The following BSN variants were observed in gnomAD, a reference collection of about 807,000 sequenced individuals.
The protein encoded by BSN is protein bassoon.
BSN carries 57 observed loss-of-function variants against 264.8 expected under a neutral mutation model. The ratio of observed to expected loss-of-function variants is 0.22; its 90% CI spans 0.17 to 0.27. The LOEUF is 0.27. Among genes scored for constraint, BSN ranks in the 10% least tolerant of loss-of-function variants. BSN has a pLI of 1.00. For synonymous variants in BSN, 2,059 were observed against 2,137.3 expected (o/e 0.96, Z 1.01); for missense variants, 4,615 against 5,232.5 (o/e 0.88, Z 3.64).
In BSN at chr3:49,660,521, G is replaced by C; in HGVS notation, c.8676G>C (p.Lys2892Asn). The C allele has an allele frequency of 6.5e-7, 1 of 1,546,018 alleles. No homozygotes were observed. The highest frequency in any genetic ancestry group is 8.7e-7 in the Non-Finnish European group (1 of 1,146,046). ...TGCCACCCAACAGCCTGGTCCGCAA[G>C]GTGAAGCGGACACTGCCCAGCCCCC... is the stretch of plus-strand genomic sequence containing the variant. The part of the protein sequence containing the change: ...SALPPNSLVR[K>N]VKRTLPSPPP... The change falls in exon 6 of 12, where the codon AAG becomes AAC. Residue 2892 changes from lysine to asparagine, a missense_variant. Physicochemically the swap from Lys to Asn is moderately conservative, Grantham distance 94 (BLOSUM62 0). Coordinates refer to ENST00000296452, the MANE Select transcript of BSN (RefSeq NM_003458.4). The surrounding 1 kb of genome is among the most constrained non-coding windows in gnomAD (Gnocchi z 7.1).
intron 1 of BSN, among the ~76,000 whole-genome samples, chr3:49,609,778 T>A (rs1446895051): frequency 6.6e-6 from 1 of 152,244 alleles, no homozygotes; most frequent in Non-Finnish European, 1.5e-5. Context: ...AAGCAGGGCC[T>A]ACTCTCATGT....
chr3:49,653,616 C>G lies in BSN; in HGVS notation c.4060C>G (p.Leu1354Val). Residue 1354 changes from leucine to valine, a missense_variant, in exon 5 of 12, where the codon CTC (leucine) becomes GTC (valine). By Grantham distance (32) the Leu-to-Val change is conservative (BLOSUM62 1). Around this residue, in one of 3 missense-constraint regions of BSN, gnomAD observed 3,415 missense variants for 3,866.4 expected, o/e 0.88. Transcript: ENST00000296452. This position sits in a 1 kb window ranked among gnomAD's most constrained non-coding sequence, Gnocchi z 6.3. ...TTTTGCAAAGGAGACTCAGGACCCC[C>G]TCAAGCTGCACAGCTCTCCTGCCTC... ...QHFAKETQDP[L>V]KLHSSPASPS... is the part of the protein sequence containing the mutation. 1 of 1,613,770 alleles carries G rather than the reference C, an allele frequency of 6.2e-7. No homozygotes were observed. The highest frequency in any genetic ancestry group is 8.5e-7 in the Non-Finnish European group (1 of 1,179,964).
intron 1 of BSN, among the ~76,000 whole-genome samples, chr3:49,582,795 T>A (rs1485954767): frequency 1.3e-5 from 2 of 152,134 alleles, no homozygotes; most frequent in Non-Finnish European, 2.9e-5. Context: ...TCATAAATAG[T>A]CCTTATCATA....
At position 49,663,727 on chromosome 3, in the gene BSN, C is replaced by T; in HGVS notation, c.11509-60C>T. ...GAAGATGCTATGAATGAAGCTTGGA[C>T]ATCCCCTTGGTTCCAGGCTGGGCAT... On this transcript the variant is annotated intron_variant, in intron 7 of 11. Coordinates refer to ENST00000296452, the MANE Select transcript of BSN (RefSeq NM_003458.4). The T allele has an allele frequency of 2.5e-6, 4 of 1,609,874 alleles. No individual in the cohort carries two copies. The South Asian group carries it at 4.4e-5, about 18-fold the overall frequency.
Position 49,652,250 on chromosome 3 carries a change from C to T in BSN, c.2694C>T (p.Pro898=), listed in dbSNP as rs1432716756. ...CAGCACTGCCCAAGAGGCGCCTGCC[C>T]CACAATGCCACCACGGGCTATGAGG... ...EPAALPKRRL[P]HNATTGYEEL... The change falls in exon 5 of 12, where the codon CCC becomes CCT. Residue 898 remains proline, a synonymous_variant. Transcript: ENST00000296452. 1.2e-6 allele frequency: 2 copies of T among 1,604,540 alleles called. No homozygotes were observed. The highest frequency in any genetic ancestry group is 3.4e-5 in the Admixed American group (2 of 58,882).
intron 1 of BSN, among the ~76,000 whole-genome samples, chr3:49,614,182 C>G (rs2052238948): frequency 6.6e-6 from 1 of 151,420 alleles, no homozygotes; most frequent in South Asian, 2.1e-4. Flanking sequence ...GTCTCAGCCT[C>G]CCAAGTAGCT....
At chr3:49,591,147 C>T (rs955709819) in intron 1 of BSN, among the ~76,000 whole-genome samples, 6 of 151,982 alleles carry the variant, frequency 3.9e-5, no homozygotes, top group African/African-American at 9.7e-5. Flanking sequence ...TGTTGTATAT[C>T]GGCCCTCTTA....
intron 1 of BSN, among the ~76,000 whole-genome samples, chr3:49,600,336 T>C (rs1376696266): frequency 1.3e-5 from 2 of 152,082 alleles, no homozygotes; most frequent in Non-Finnish European, 2.9e-5. Flanking sequence ...CTGTGGAGCG[T>C]GCAGGGGCTG....
At chr3:49,627,129 A>G (rs1443728448) in intron 2 of BSN, among the ~76,000 whole-genome samples, 1 of 152,230 alleles carries the variant, frequency 6.6e-6, no homozygotes, top group Non-Finnish European at 1.5e-5. Context: ...TACTTCAAAC[A>G]AATGCTGGGC....
In BSN at chr3:49,660,681, C is replaced by G. The variant is rs765703453; in HGVS notation, c.8836C>G (p.Arg2946Gly). 1.9e-6 allele frequency: 3 copies of G among 1,613,300 alleles called. No individual in the cohort carries two copies. The South Asian group carries it at 3.3e-5, about 18-fold the overall frequency. ...TKASLLRELD[R>G]DLRLVEHEST... ...GGCCAGCCTGCTCCGGGAGCTGGAC[C>G]GGGACCTGCGGCTGGTGGAGCATGA... is the stretch of plus-strand genomic sequence containing the variant. Residue 2946 changes from arginine to glycine, a missense_variant, in exon 6 of 12, where the codon CGG becomes GGG. By Grantham distance (125) the Arg-to-Gly change is moderately radical. This residue lies in a region of BSN where 3,415 missense variants were observed against 3,866.4 expected (regional missense o/e 0.88). Transcript: ENST00000296452. This position sits in a 1 kb window ranked among gnomAD's most constrained non-coding sequence, Gnocchi z 7.1.
rs142654483 is a variant in BSN, at chr3:49,592,256, C to G, written c.225-32719C>G. On this transcript the variant is annotated intron_variant, in intron 1 of 11. Coordinates refer to ENST00000296452, the MANE Select transcript of BSN (RefSeq NM_003458.4). ...TCCCGAGTACCTGGGATTACAGGCA[C>G]GCACCACCATGCTTGGCTGATTTTT... is the stretch of plus-strand genomic sequence containing the variant. 5.0e-3 allele frequency among the ~76,000 whole-genome samples: 756 copies of G among 151,490 alleles called. 5 individuals carry two copies. The highest frequency in any genetic ancestry group is 0.018 in the African/African-American group (725 of 41,330).
rs765918213 is a variant in BSN at position 49,625,238 on chromosome 3, C to A, written c.488C>A (p.Pro163His). 1 of 1,594,014 alleles carries A rather than the reference C, an allele frequency of 6.3e-7. No homozygotes were observed. The highest frequency in any genetic ancestry group is 8.5e-7 in the Non-Finnish European group (1 of 1,170,892). The stretch of plus-strand genomic sequence containing the variant: ...CCCTACTCCGTCCCTCAGATCGCCC[C>A]CCTTCCCAGCAGCACGCTGTGTCCC... ...TSPYSVPQIAPLPSSTLCPIC... is the reference protein window; with the variant it reads ...TSPYSVPQIAHLPSSTLCPIC... The change falls in exon 2 of 12, where the codon CCC (proline) becomes CAC (histidine). Residue 163 changes from proline (P) to histidine (H), a missense_variant. By Grantham distance (77) the Pro-to-His change is moderately conservative. Transcript: ENST00000296452. The surrounding 1 kb of genome is among the most constrained non-coding windows in gnomAD (Gnocchi z 4.4).
rs146349549 is a variant in BSN at position 49,585,116 on chromosome 3, T to G, written c.224+30290T>G. Among the ~76,000 whole-genome samples the G allele has an allele frequency of 5.2e-3, 788 of 152,332 alleles. 12 individuals carry two copies. The highest frequency in any genetic ancestry group is 0.018 in the African/African-American group (748 of 41,560). ...CGACAAACTCAGGAGTGCAGATATC[T>G]CTTCAATATATTGATTTCCTTTCTT... On this transcript the variant is annotated intron_variant, in intron 1 of 11. Transcript: ENST00000296452. This position sits in a 1 kb window ranked among gnomAD's most constrained non-coding sequence, Gnocchi z 4.7.
At chr3:49,620,191 C>T (rs1475602722) in intron 1 of BSN, among the ~76,000 whole-genome samples, 1 of 152,074 alleles carries the variant, frequency 6.6e-6, no homozygotes, top group African/African-American at 2.4e-5. Context: ...AACAGCAAAT[C>T]CGAGGCGGGC....
At chr3:49,605,898 G>GATATAAATGTATTTATA (rs1169981252) in intron 1 of BSN, among the ~76,000 whole-genome samples, 1 of 80,098 alleles carries the variant, frequency 1.2e-5, no homozygotes, top group Non-Finnish European at 2.1e-5. Flanking sequence ...ATATATTTAT[G>GATATAAATGTATTTATA]TCTATATAAA....
intron 1 of BSN, among the ~76,000 whole-genome samples, chr3:49,598,242 A>G (rs2052040886): frequency 6.6e-6 from 1 of 152,174 alleles, no homozygotes; most frequent in Non-Finnish European, 1.5e-5. Flanking sequence ...TTTAAGGAAT[A>G]TATTGTACAA....
intron 1 of BSN, among the ~76,000 whole-genome samples, chr3:49,592,029 A>G (rs775733244): frequency 5.3e-5 from 8 of 152,202 alleles, no homozygotes; most frequent in Non-Finnish European, 8.8e-5. Flanking sequence ...TTAAAAACTG[A>G]CAAACCAATG....
Position 49,642,508 on chromosome 3 carries a change from C to A in BSN, c.874C>A (p.Gln292Lys). Reference sequence around the variant, plus strand: ...GGCCACCTCAGTGCCGGGGCCTGCCCAAGCAGCTGCCCCTCCAGAGGTGGG... The same window carrying A: ...GGCCACCTCAGTGCCGGGGCCTGCCAAAGCAGCTGCCCCTCCAGAGGTGGG... ...ARATSVPGPA[Q>K]AAAPPEVGRV... The change falls in exon 3 of 12, where the codon CAA (glutamine) becomes AAA (lysine). Residue 292 changes from glutamine (Q) to lysine (K), a missense_variant. Gln to Lys is a moderately conservative substitution (Grantham distance 53, BLOSUM62 1). Around this residue, in one of 3 missense-constraint regions of BSN, gnomAD observed 1,197 missense variants for 1,348.0 expected, o/e 0.89. Coordinates refer to ENST00000296452, the MANE Select transcript of BSN (RefSeq NM_003458.4). This position sits in a 1 kb window ranked among gnomAD's most constrained non-coding sequence, Gnocchi z 7.0. 6.4e-7 allele frequency: 1 copy of A among 1,569,500 alleles called. No homozygotes were observed. The highest frequency in any genetic ancestry group is 2.3e-5 in the East Asian group (1 of 44,144).
intron 1 of BSN, among the ~76,000 whole-genome samples, chr3:49,595,792 T>G (rs1226666691): frequency 2.0e-5 from 3 of 152,254 alleles, no homozygotes; most frequent in African/African-American, 7.2e-5. Flanking sequence ...GTGTTTATTT[T>G]GTATCCTGCA....
Sources: allele counts gnomAD v4.1 joint callset (sites outside exome capture counted in the v4.1 genomes callset), GRCh38; gene constraint gnomAD v4.1.1; regional missense constraint gnomAD v4.1.1; non-coding constraint Gnocchi (gnomAD v3.1); transcripts MANE v1.5; gene names NCBI Gene and HGNC (gene_info 2026-07-23, HGNC 2026-07-21).